The following BCAN variants were observed in gnomAD, a reference collection of about 807,000 sequenced individuals.
BCAN encodes the protein brevican core protein.
In BCAN, 51 loss-of-function variants were observed where a neutral mutation model predicts 92.4. The observed-to-expected ratio is 0.55, with a 90% confidence interval of 0.44 to 0.70. The LOEUF (loss-of-function observed/expected upper bound fraction) is 0.70. Ranked by LOEUF, BCAN falls within the 30% of genes least tolerant of loss-of-function variation. The pLI, the probability that BCAN is intolerant of heterozygous loss-of-function variation, is 0.00. For synonymous variants in BCAN, 501 were observed against 505.2 expected (o/e 0.99, Z 0.11); for missense variants, 1,140 against 1,212.1 (o/e 0.94, Z 0.88).
Position 156,658,704 on chromosome 1 carries a change from C to G in BCAN, c.2599C>G (p.Pro867Ala). 6.2e-7 allele frequency: 1 copy of G among 1,614,092 alleles called. No homozygotes were observed. The highest frequency in any genetic ancestry group is 1.1e-5 in the South Asian group (1 of 91,086). ...CCAAGAGAACGGTCGTTGGGAGGCC[C>G]CCCAGATCTCCTGTGTGCCCAGAAG... Reference protein sequence around the residue: ...RCQENGRWEAPQISCVPRRPA... With the variant: ...RCQENGRWEAAQISCVPRRPA... Residue 867 changes from proline to alanine, a missense_variant, in exon 13 of 14, where the codon CCC (proline) becomes GCC (alanine). Transcript: ENST00000329117. The surrounding 1 kb of genome is among the most constrained non-coding windows in gnomAD (Gnocchi z 4.4).
At position 156,647,912 on chromosome 1, in the gene BCAN, C is replaced by A; in HGVS notation, c.642-71C>A. On this transcript the variant is annotated intron_variant, in intron 4 of 13. Transcript: ENST00000329117. This position sits in a 1 kb window ranked among gnomAD's most constrained non-coding sequence, Gnocchi z 4.8. ...TCTGCACTGTGGTGGCAGTGGGGTTCAATAGAATCAATATGGGCTGGCTCC... is the reference window on the plus strand; with the variant it reads ...TCTGCACTGTGGTGGCAGTGGGGTTAAATAGAATCAATATGGGCTGGCTCC... The A allele has an allele frequency of 6.2e-7, 1 of 1,600,878 alleles. No individual in the cohort carries two copies. Among genetic ancestry groups the A allele is most frequent in the South Asian group, 1.1e-5 (1 of 90,588 alleles).
Position 156,652,664 on chromosome 1 carries a change from C to A in BCAN, c.1714C>A (p.Pro572Thr), listed in dbSNP as rs1179461319. 9.3e-6 allele frequency: 15 copies of A among 1,613,248 alleles called. No homozygotes were observed. Among genetic ancestry groups the A allele is most frequent in the African/African-American group, 1.3e-5 (1 of 74,912 alleles). Residue 572 changes from proline (P) to threonine (T), a missense_variant, in exon 8 of 14, where the codon CCT becomes ACT. Transcript: ENST00000329117. ...AREVGEATGG[P>T]ELSGVPRGES... ...AGAGGTGGGGGAGGCAACTGGTGGT[C>A]CTGAGCTATCTGGGGTCCCTCGAGG... is the stretch of plus-strand genomic sequence containing the variant.
rs752889269 is a variant in BCAN at position 156,646,829 on chromosome 1, G to C, written c.120G>C (p.Ala40=). 1.9e-6 allele frequency: 3 copies of C among 1,578,192 alleles called. No individual in the cohort carries two copies. Among genetic ancestry groups the C allele is most frequent in the Non-Finnish European group, 2.6e-6 (3 of 1,163,776 alleles). ...ACCGCGCTTTTCGCGTGCGCATCGC[G>C]GGCGACGCGCCACTGCAGGGCGTGC... ...SEDRAFRVRI[A]GDAPLQGVLG... The change falls in exon 3 of 14, where the codon GCG becomes GCC. Residue 40 remains alanine (A), a synonymous_variant. Transcript: ENST00000329117.
chr1:156,653,125 C>T, intron 8 of BCAN: 1 of 1,413,418 alleles, frequency 7.1e-7, no homozygotes, highest in Non-Finnish European at 9.2e-7. Flanking sequence ...CGCCACTGAC[C>T]ATCTGTGACC....
chr1:156,657,214 T>C (rs1376987274), intron 10 of BCAN, 118 bp downstream of exon 10: 11 of 1,279,626 alleles, frequency 8.6e-6, no homozygotes, highest in Non-Finnish European at 1.2e-5. Context: ...CAAGCGTGCA[T>C]TCCCTCACTC....
In BCAN at chr1:156,659,230, A is replaced by G; in HGVS notation, c.*96A>G. The G allele has an allele frequency of 2.1e-6, 2 of 964,130 alleles. No homozygotes were observed. Among genetic ancestry groups the G allele is most frequent in the South Asian group, 3.4e-5 (2 of 59,154 alleles). 59.7% of individuals were successfully genotyped at this position (964,130 alleles called of 1,614,324 possible). On this transcript the variant is annotated 3_prime_UTR_variant, in exon 14 of 14. Coordinates refer to ENST00000329117, the MANE Select transcript of BCAN (RefSeq NM_021948.5). ...TCCCGCCACCACAGGAAGTGACAAC[A>G]TGACGAGGGGTGGTACTGGAGTCCA...
intron 6 of BCAN, among the ~76,000 whole-genome samples, chr1:156,649,293 G>C (rs907537425): frequency 3.3e-5 from 5 of 152,200 alleles, no homozygotes; most frequent in Admixed American, 6.5e-5. Flanking sequence ...AGCTTAAGAA[G>C]GTGTCAGATC....
chr1:156,647,770 C>A lies in BCAN; in HGVS notation c.641+88C>A. 6.4e-7 allele frequency: 1 copy of A among 1,555,346 alleles called. No individual in the cohort carries two copies. ...GCTGGGTGCTGCCTGCTGTGTCAGG[C>A]TGGACATGCAGGGCTTTTTGCCTCT... On this transcript the variant is annotated intron_variant, in intron 4 of 13. Coordinates refer to ENST00000329117, the MANE Select transcript of BCAN (RefSeq NM_021948.5). This position sits in a 1 kb window ranked among gnomAD's most constrained non-coding sequence, Gnocchi z 4.8.
At position 156,659,234 on chromosome 1, in the gene BCAN, CG is replaced by C; in HGVS notation, c.*101del. 1.1e-6 allele frequency: 1 copy of C among 937,738 alleles called. No homozygotes were observed. Among genetic ancestry groups the C allele is most frequent in the African/African-American group, 1.7e-5 (1 of 59,766 alleles). The allele number at this position is 937,738 out of a possible 1,614,324, so 58.1% of individuals were successfully genotyped here. A position where few individuals can be genotyped will look rare whatever the true frequency, so the allele number is the denominator to read the frequency against. ...GCCACCACAGGAAGTGACAACATGA[CG>C]AGGGGTGGTACTGGAGTCCAGGTGA... On this transcript the variant is annotated 3_prime_UTR_variant, in exon 14 of 14. Coordinates refer to ENST00000329117, the MANE Select transcript of BCAN (RefSeq NM_021948.5).
At chr1:156,656,008 C>G (rs967245132) in intron 8 of BCAN, among the ~76,000 whole-genome samples, 9 of 152,192 alleles carry the variant, frequency 5.9e-5, no homozygotes, top group African/African-American at 1.7e-4. Flanking sequence ...AGCCTCTTCT[C>G]CCCAGCCCCT....
At chr1:156,645,053 A>G (rs1406689060) in intron 1 of BCAN, among the ~76,000 whole-genome samples, 2 of 152,150 alleles carry the variant, frequency 1.3e-5, no homozygotes, top group Non-Finnish European at 2.9e-5. Context: ...CCATTTCTCA[A>G]TGTCACAACA....
At position 156,647,265 on chromosome 1, in the gene BCAN, C is replaced by G. The variant is rs1452084162; in HGVS notation, c.466+90C>G. 1.4e-6 allele frequency: 2 copies of G among 1,415,716 alleles called. No individual in the cohort carries two copies. The highest frequency in any genetic ancestry group is 5.1e-5 in the East Asian group (2 of 39,348). 87.7% of individuals were successfully genotyped at this position (1,415,716 alleles called of 1,614,324 possible). ...GGGATCCCACAGTGTGAGAGGGAAG[C>G]AAAGGTAGCTGGAAGGCGCAGCCTG... On this transcript the variant is annotated intron_variant, in intron 3 of 13. Coordinates refer to ENST00000329117, the MANE Select transcript of BCAN (RefSeq NM_021948.5). This position sits in a 1 kb window ranked among gnomAD's most constrained non-coding sequence, Gnocchi z 4.8.
At chr1:156,657,488 T>C (rs1679374801) in intron 10 of BCAN, 187 bp from the exon 11 acceptor site, 1 of 563,710 alleles carries the variant, frequency 1.8e-6, no homozygotes, top group Non-Finnish European at 3.1e-6. Flanking sequence ...TCTTCCTTAT[T>C]CTCCCACCCC....
rs374342660 is a variant in BCAN at position 156,657,636 on chromosome 1, G to A, written c.2210-39G>A. ...CGGGAGCGGGGAACGGCCGCCATCTGCTGGCGGCTGCGCTCACTGCACGCC... is the reference window on the plus strand; with the variant it reads ...CGGGAGCGGGGAACGGCCGCCATCTACTGGCGGCTGCGCTCACTGCACGCC... On this transcript the variant is annotated intron_variant, in intron 10 of 13. Coordinates refer to ENST00000329117, the MANE Select transcript of BCAN (RefSeq NM_021948.5). 5.5e-5 allele frequency: 86 copies of A among 1,554,556 alleles called. No homozygotes were observed. In the Middle Eastern group the frequency reaches 1.0e-3, roughly 18 times the overall value.
Position 156,656,774 on chromosome 1 carries a change from C to A in BCAN, c.2051-164C>A, listed in dbSNP as rs1679344567. ...GCCCCTGCCCAAGAGCCCCTCCAGG[C>A]TCCTGCTACCCCCTCATTCTCTACT... On this transcript the variant is annotated intron_variant, in intron 9 of 13. Coordinates refer to ENST00000329117, the MANE Select transcript of BCAN (RefSeq NM_021948.5). 1.1e-5 allele frequency: 11 copies of A among 963,694 alleles called. No homozygotes were observed. The South Asian group carries it at 1.9e-4, about 17-fold the overall frequency. The allele number at this position is 963,694 out of a possible 1,614,324, so 59.7% of individuals were successfully genotyped here.
chr1:156,646,648 GGACCCT>G (rs200291408), intron 2 of BCAN, 147 bp from the exon 3 acceptor site: 90 of 1,087,134 alleles, frequency 8.3e-5, no homozygotes, highest in Non-Finnish European at 1.1e-4. Flanking sequence ...TAGGGCTGCA[GGACCCT>G]GGCCCCTGGC....
In BCAN at chr1:156,647,984, T is replaced by A; in HGVS notation, c.643T>A (p.Tyr215Asn). 1 of 1,613,264 alleles carries A rather than the reference T, an allele frequency of 6.2e-7. No individual in the cohort carries two copies. The highest frequency in any genetic ancestry group is 1.1e-5 in the South Asian group (1 of 91,068). ...AGWLSDQTVR[Y>N]PIQTPREACY... Reference sequence around the variant, plus strand: ...AGTGATTCTGTCCTTCCTCCCTAGGTATCCCATCCAGACCCCACGAGAGGC... The same window carrying A: ...AGTGATTCTGTCCTTCCTCCCTAGGAATCCCATCCAGACCCCACGAGAGGC... Residue 215 changes from tyrosine (Y) to asparagine (N), a missense_variant and splice_region_variant, in exon 5 of 14, where the codon TAT becomes AAT. Around this residue, in one of 3 missense-constraint regions of BCAN, gnomAD observed 29 missense variants for 56.2 expected, o/e 0.52. Coordinates refer to ENST00000329117, the MANE Select transcript of BCAN (RefSeq NM_021948.5). This position sits in a 1 kb window ranked among gnomAD's most constrained non-coding sequence, Gnocchi z 4.8.
chr1:156,657,883 T>A, intron 11 of BCAN, 126 bp downstream of exon 11: 1 of 832,574 alleles, frequency 1.2e-6, no homozygotes, highest in Non-Finnish European at 1.8e-6. Flanking sequence ...TCTCGTGCCC[T>A]GTGCCTCTTC....
chr1:156,649,876 GA>G (rs776786051), intron 6 of BCAN: 22 of 518,936 alleles, frequency 4.2e-5, no homozygotes, highest in Non-Finnish European at 7.3e-5. Context: ...AGCAGAAATG[GA>G]AGGAGCAGAC....
Sources: allele counts gnomAD v4.1 joint callset (sites outside exome capture counted in the v4.1 genomes callset), GRCh38; gene constraint gnomAD v4.1.1; regional missense constraint gnomAD v4.1.1; non-coding constraint Gnocchi (gnomAD v3.1); transcripts MANE v1.5; gene names NCBI Gene and HGNC (gene_info 2026-07-23, HGNC 2026-07-21).